Variants in SMIM14 observed in about 807,000 individuals in gnomAD.
SMIM14 encodes chromosome 4 open reading frame 34.
In SMIM14, 5 loss-of-function variants were observed where a neutral mutation model predicts 12.6. The observed-to-expected ratio is 0.40, with a 90% CI of 0.21 to 0.83. The LOEUF is 0.83. SMIM14 is among the 40% of genes least tolerant of loss of function. The probability of loss-of-function intolerance (pLI) is 0.37; values close to 1 mark genes in which losing one functional copy is unlikely to be tolerated. For synonymous variants in SMIM14, 30 were observed against 40.1 expected (o/e 0.75, Z 0.95); for missense variants, 86 against 119.1 (o/e 0.72, Z 1.29).
chr4:39,563,115 CAATG>C (rs1712400086), intron 3 of SMIM14, among the ~76,000 whole-genome samples: 1 of 152,010 alleles, frequency 6.6e-6, no homozygotes, highest in Non-Finnish European at 1.5e-5. Flanking sequence ...GGCTGGAGTG[CAATG>C]GCACAATCTC....
At chr4:39,625,432 C>T (rs1247703671) in intron 1 of SMIM14, among the ~76,000 whole-genome samples, 1 of 136,160 alleles carries the variant, frequency 7.3e-6, no homozygotes, top group Non-Finnish European at 1.6e-5. Context: ...CCCTGAAACT[C>T]ATCATTACAA....
At chr4:39,632,106 G>A (rs1177711934) in intron 1 of SMIM14, among the ~76,000 whole-genome samples, 2 of 152,078 alleles carry the variant, frequency 1.3e-5, no homozygotes, top group East Asian at 3.9e-4. Context: ...AATAAAATAT[G>A]CATTTATAAT....
chr4:39,576,682 ATATTTTTTTT>A (rs1713206895), intron 2 of SMIM14, among the ~76,000 whole-genome samples: 9 of 31,020 alleles, frequency 2.9e-4, no homozygotes, highest in African/African-American at 1.2e-3. Flanking sequence ...ATATATATAT[ATATTTTTTTT>A]TTTTTTTTTT....
At chr4:39,593,398 G>A (rs1379839267) in intron 2 of SMIM14, 1 of 152,092 alleles carries the variant, frequency 6.6e-6, no homozygotes, top group East Asian at 1.9e-4. Context: ...TTGATGGGAC[G>A]TATCTCAAAA....
chr4:39,599,855 G>A (rs1349188070), intron 2 of SMIM14, among the ~76,000 whole-genome samples: 1 of 151,802 alleles, frequency 6.6e-6, no homozygotes, highest in South Asian at 2.1e-4. Flanking sequence ...CCGGGAAGCG[G>A]AGGTTGCAGT....
chr4:39,594,716 A>C (rs1317230990), intron 2 of SMIM14: 3 of 146,854 alleles, frequency 2.0e-5, no homozygotes, highest in African/African-American at 7.5e-5. Flanking sequence ...AGAAAAAAAC[A>C]AACAACCCCA....
At chr4:39,557,352 C>T (rs867829761) in intron 3 of SMIM14, among the ~76,000 whole-genome samples, 3 of 151,260 alleles carry the variant, frequency 2.0e-5, no homozygotes, top group Admixed American at 2.0e-4. Context: ...GTAGTGACGA[C>T]GTCTCACTAT....
intron 3 of SMIM14, among the ~76,000 whole-genome samples, chr4:39,565,471 A>G (rs907349676): frequency 2.0e-5 from 3 of 152,116 alleles, no homozygotes; most frequent in Admixed American, 2.0e-4. Context: ...GCATAGGCAC[A>G]GGCCACCACG....
chr4:39,631,658 CA>C (rs757683389), intron 1 of SMIM14, among the ~76,000 whole-genome samples: 1,338 of 76,396 alleles, frequency 0.018, 10 homozygotes, highest in Middle Eastern at 0.028. Flanking sequence ...GACTCCGTCT[CA>C]AAAAAAAAAA....
At chr4:39,593,353 AC>A (rs1451052836) in intron 2 of SMIM14, 13 of 152,278 alleles carry the variant, frequency 8.5e-5, no homozygotes, top group Admixed American at 7.2e-4. Flanking sequence ...AAATTCGACA[AC>A]CCTTCATGCT....
At chr4:39,626,609 T>G (rs771230374) in intron 1 of SMIM14, among the ~76,000 whole-genome samples, 7 of 152,218 alleles carry the variant, frequency 4.6e-5, no homozygotes, top group African/African-American at 1.7e-4. Flanking sequence ...GCTTTTACCA[T>G]CAAGAGCTTG....
Position 39,618,140 on chromosome 4 carries a change from G to A in SMIM14, c.-35-12960C>T, listed in dbSNP as rs74372030. Among the ~76,000 whole-genome samples the A allele has an allele frequency of 2.5e-3, 381 of 152,264 alleles. 11 individuals carry two copies. The East Asian group carries it at 0.061, about 24-fold the overall frequency. On this transcript the variant is annotated intron_variant, in intron 1 of 4. Coordinates refer to ENST00000295958, the MANE Select transcript of SMIM14 (RefSeq NM_174921.3). Reference sequence around the variant, plus strand: ...CAGCATAGAAACCTAAACTATCAGTGACATCTACTCAAGTCTTGGCAAATA... The same window carrying A: ...CAGCATAGAAACCTAAACTATCAGTAACATCTACTCAAGTCTTGGCAAATA...
chr4:39,565,480 C>T (rs28434779), intron 3 of SMIM14, among the ~76,000 whole-genome samples: 2,378 of 152,132 alleles, frequency 0.016, 49 homozygotes, highest in African/African-American at 0.054. Context: ...CAGGCCACCA[C>T]GCCTAGCTAA....
intron 2 of SMIM14, among the ~76,000 whole-genome samples, chr4:39,577,647 T>C (rs533975494): frequency 1.1e-4 from 16 of 152,168 alleles, no homozygotes; most frequent in African/African-American, 3.9e-4. Flanking sequence ...AGGCTGGTCT[T>C]GAACTCGTGA....
chr4:39,560,960 A>G (rs1712281084), intron 3 of SMIM14, among the ~76,000 whole-genome samples: 1 of 152,098 alleles, frequency 6.6e-6, no homozygotes, highest in African/African-American at 2.4e-5. Flanking sequence ...GGTCTATTGC[A>G]GTGGCCTCTT....
chr4:39,557,156 C>G (rs1357037573), intron 3 of SMIM14, among the ~76,000 whole-genome samples: 6 of 151,776 alleles, frequency 4.0e-5, no homozygotes, highest in Non-Finnish European at 7.4e-5. Flanking sequence ...GGATTACAGG[C>G]ATGCGCCACC....
At chr4:39,632,161 G>C (rs1219726213) in intron 1 of SMIM14, among the ~76,000 whole-genome samples, 1 of 152,022 alleles carries the variant, frequency 6.6e-6, no homozygotes, top group African/African-American at 2.4e-5. Flanking sequence ...GAAAAATGCA[G>C]GTACTTTCCT....
Position 39,630,189 on chromosome 4 carries a change from A to C in SMIM14, c.-36+8550T>G, listed in dbSNP as rs146744806. Among the ~76,000 whole-genome samples, 168 of 152,206 alleles carry C rather than the reference A, an allele frequency of 1.1e-3. 1 individual carries two copies. The highest frequency in any genetic ancestry group is 1.8e-3 in the Admixed American group (28 of 15,286). Reference sequence around the variant, plus strand: ...TGAGGCAGAAGAATTGCTTGAGCCTAGGAGTTTGAGACCAGCCTGCCAAGG... The same window carrying C: ...TGAGGCAGAAGAATTGCTTGAGCCTCGGAGTTTGAGACCAGCCTGCCAAGG... On this transcript the variant is annotated intron_variant, in intron 1 of 4. Transcript: ENST00000295958.
chr4:39,629,383 C>CATATATAT (rs71645114), intron 1 of SMIM14, among the ~76,000 whole-genome samples: 30,916 of 117,642 alleles, frequency 0.26, 4,826 homozygotes, highest in Non-Finnish European at 0.35. Context: ...AAAAAAGATA[C>CATATATAT]ATATATATAT....
Sources: gnomAD v4.1 joint callset for allele counts (sites outside exome capture counted in the v4.1 genomes callset) on GRCh38, gnomAD v4.1.1 for gene constraint, MANE v1.5 for transcripts, NCBI Gene and HGNC (gene_info 2026-07-23, HGNC 2026-07-21) for gene names.